The following SPAG16 variants were observed in gnomAD, a reference collection of about 807,000 sequenced individuals.
SPAG16 encodes the protein sperm associated antigen 16, also known as sperm-associated antigen 16 protein.
SPAG16 carries 86 observed loss-of-function variants against 80.4 expected under a neutral mutation model. The observed-to-expected ratio is 1.07, with a 90% CI of 0.90 to 1.28. The LOEUF is 1.28. SPAG16 is among the 50% of genes most tolerant of loss of function. SPAG16 has a pLI of 0.00. For missense variants in SPAG16, 870 were observed against 765.3 expected, an observed-to-expected ratio of 1.14 and a Z score of -1.61; for synonymous variants, 294 against 265.9, an observed-to-expected ratio of 1.11 and a Z score of -1.03.
intron 12 of SPAG16, among the ~76,000 whole-genome samples, chr2:214,005,077 T>G (rs1334174286): frequency 6.6e-6 from 1 of 152,212 alleles, no homozygotes; most frequent in Non-Finnish European, 1.5e-5. Context: ...TGTTTTGATC[T>G]TTATCAGCCT....
chr2:213,906,353 G>T (rs1277047357), intron 11 of SPAG16, among the ~76,000 whole-genome samples: 1 of 152,066 alleles, frequency 6.6e-6, no homozygotes, highest in Non-Finnish European at 1.5e-5. Flanking sequence ...AAACACTGAT[G>T]AAAGAAATTG....
intron 15 of SPAG16, chr2:214,240,194 T>G (rs1423907524): frequency 6.6e-6 from 1 of 152,224 alleles, no homozygotes; most frequent in Admixed American, 6.5e-5. Context: ...TGGAAAGTCT[T>G]GTCCATATCA....
chr2:213,889,123 G>T (rs748934616), intron 11 of SPAG16, among the ~76,000 whole-genome samples: 1 of 151,734 alleles, frequency 6.6e-6, no homozygotes, highest in Non-Finnish European at 1.5e-5. Flanking sequence ...AAACAACTTT[G>T]CTGTTTGAGT....
intron 1 of SPAG16, among the ~76,000 whole-genome samples, chr2:213,292,940 A>G (rs2062354372): frequency 6.6e-6 from 1 of 152,180 alleles, no homozygotes; most frequent in East Asian, 1.9e-4. Context: ...TATAGTATGG[A>G]AGGAAGCCAG....
intron 3 of SPAG16, among the ~76,000 whole-genome samples, chr2:213,302,214 G>A (rs961976006): frequency 2.6e-5 from 4 of 152,066 alleles, no homozygotes; most frequent in Non-Finnish European, 5.9e-5. Context: ...ACCATGTTTC[G>A]CTAGTTTGTA....
At chr2:213,838,624 C>G (rs1288849757) in intron 10 of SPAG16, among the ~76,000 whole-genome samples, 1 of 152,158 alleles carries the variant, frequency 6.6e-6, no homozygotes, top group Non-Finnish European at 1.5e-5. Context: ...TTGGGCAATA[C>G]CTTTTTCTAT....
chr2:213,975,107 T>C (rs2045299010), intron 12 of SPAG16, among the ~76,000 whole-genome samples: 3 of 151,314 alleles, frequency 2.0e-5, no homozygotes, highest in Non-Finnish European at 4.4e-5. Context: ...TAGCAAGATA[T>C]TCATACAATA....
chr2:213,508,892 A>C (rs1346603181), intron 10 of SPAG16, among the ~76,000 whole-genome samples: 1 of 151,494 alleles, frequency 6.6e-6, no homozygotes, highest in Non-Finnish European at 1.5e-5. Flanking sequence ...CATTGTGCAC[A>C]TGTACCCTAA....
At chr2:214,170,226 G>A (rs9283528) in intron 15 of SPAG16, among the ~76,000 whole-genome samples, 85,037 of 122,720 alleles carry the variant, frequency 0.69, 26,846 homozygotes, top group East Asian at 0.83. Flanking sequence ...GTGTGTATAC[G>A]TATACACACA....
At chr2:214,058,677 C>T (rs10178281) in intron 13 of SPAG16, among the ~76,000 whole-genome samples, 100,718 of 151,922 alleles carry the variant, frequency 0.66, 33,967 homozygotes, top group African/African-American at 0.75. Context: ...CTGTGAAGCT[C>T]AATAAAGCAA....
intron 13 of SPAG16, among the ~76,000 whole-genome samples, chr2:214,105,319 A>G (rs920635063): frequency 2.0e-5 from 3 of 152,316 alleles, no homozygotes; most frequent in South Asian, 4.1e-4. Flanking sequence ...TTTCAATAGT[A>G]TATGACAAAT....
At chr2:213,965,977 G>A (rs2106365243) in intron 12 of SPAG16, among the ~76,000 whole-genome samples, 1 of 152,344 alleles carries the variant, frequency 6.6e-6, no homozygotes, top group African/African-American at 2.4e-5. Flanking sequence ...AGAATAATAA[G>A]CTCACTGCAT....
chr2:213,520,700 A>C (rs1034617906), intron 10 of SPAG16, among the ~76,000 whole-genome samples: 5 of 152,244 alleles, frequency 3.3e-5, no homozygotes, highest in Admixed American at 2.6e-4. Flanking sequence ...CTGTTCATAA[A>C]CTTGGAAACA....
intron 14 of SPAG16, among the ~76,000 whole-genome samples, chr2:214,122,215 A>G (rs1164924823): frequency 1.3e-5 from 2 of 151,986 alleles, no homozygotes; most frequent in Non-Finnish European, 3.0e-5. Flanking sequence ...CCTAAAAAAG[A>G]ATGTGTAACT....
chr2:213,424,780 C>A (rs372485144), intron 9 of SPAG16, among the ~76,000 whole-genome samples: 3 of 152,140 alleles, frequency 2.0e-5, no homozygotes, highest in East Asian at 3.9e-4. Flanking sequence ...CTTTGAGAAT[C>A]CAGAATTTTA....
intron 1 of SPAG16, among the ~76,000 whole-genome samples, chr2:213,285,588 C>T (rs768353482): frequency 2.0e-5 from 3 of 152,202 alleles, no homozygotes; most frequent in Non-Finnish European, 4.4e-5. Context: ...AGCAATGATT[C>T]ATTTCGTGAG....
Position 214,409,320 on chromosome 2 carries a change from A to G in SPAG16, c.1721-820A>G, listed in dbSNP as rs969292104. ...TAGTACTAATGTCATACTTATTTAC[A>G]CTAAGTACTGAGCTTATGTAAACAT... On this transcript the variant is annotated intron_variant, in intron 15 of 15. Transcript: ENST00000331683. Among the ~76,000 whole-genome samples, 6 of 152,154 alleles carry G rather than the reference A, an allele frequency of 3.9e-5. No homozygotes were observed. The South Asian group carries it at 1.0e-3, about 26-fold the overall frequency.
intron 15 of SPAG16, among the ~76,000 whole-genome samples, chr2:214,371,915 A>G (rs1346935838): frequency 6.6e-6 from 1 of 152,058 alleles, no homozygotes; most frequent in Non-Finnish European, 1.5e-5. Context: ...TCCTGGCCTC[A>G]AGCAATCTGC....
chr2:213,315,461 T>C (rs913994866), intron 4 of SPAG16, among the ~76,000 whole-genome samples: 1 of 151,974 alleles, frequency 6.6e-6, no homozygotes, highest in African/African-American at 2.4e-5. Context: ...TGTCAGTTTT[T>C]TCCCTCTTGG....
Sources: allele counts gnomAD v4.1 joint callset (sites outside exome capture counted in the v4.1 genomes callset), GRCh38; gene constraint gnomAD v4.1.1; transcripts MANE v1.5; gene names NCBI Gene and HGNC (gene_info 2026-07-23, HGNC 2026-07-21).